WDR43: variants seen among roughly 807,000 people sequenced by gnomAD.
The protein encoded by WDR43 is WD repeat domain 43.
WDR43 carries 13 observed loss-of-function variants against 91.4 expected under a neutral mutation model. The observed-to-expected ratio is 0.14, with a 90% CI of 0.09 to 0.23. The LOEUF is 0.23. WDR43 is among the 10% of genes least tolerant of loss of function. The pLI, the probability that WDR43 is intolerant of heterozygous loss-of-function variation, is 1.00. For synonymous variants in WDR43, 331 were observed against 287.9 expected (o/e 1.15, Z -1.51); for missense variants, 780 against 809.4 (o/e 0.96, Z 0.44).
At chr2:28,937,789 A>G in intron 13 of WDR43, 142 bp from the exon 14 acceptor site, 1 of 763,810 alleles carries the variant, frequency 1.3e-6, no homozygotes, top group Non-Finnish European at 2.2e-6. Flanking sequence ...AAAGTGATAT[A>G]TACACAGTGA....
At chr2:28,933,475 A>G (rs1024406045) in intron 11 of WDR43, among the ~76,000 whole-genome samples, 2 of 152,222 alleles carry the variant, frequency 1.3e-5, no homozygotes, top group South Asian at 2.1e-4. Context: ...GAGTGGGGAA[A>G]GATTTCTTAG....
At chr2:28,922,855 T>C in intron 6 of WDR43, 64 bp from the exon 7 acceptor site, 2 of 1,271,804 alleles carry the variant, frequency 1.6e-6, no homozygotes, top group Non-Finnish European at 1.1e-6. Context: ...TGAGTTTTCA[T>C]AAGGTAGATT....
rs756128959 is a variant in WDR43, at chr2:28,929,650, G to A, written c.1377G>A (p.Thr459=). 4.3e-6 allele frequency: 7 copies of A among 1,613,792 alleles called. No individual in the cohort carries two copies. In the South Asian group the frequency reaches 7.7e-5, roughly 18 times the overall value. ...THKKGKEDLQ[T]NSFPVLLTQG... Reference sequence around the variant, plus strand: ...AAAAAGGAAAGGAAGACCTCCAGACGAATAGCTTTCCAGTTCTTCTTACCC... The same window carrying A: ...AAAAAGGAAAGGAAGACCTCCAGACAAATAGCTTTCCAGTTCTTCTTACCC... The change falls in exon 11 of 18, where the codon ACG becomes ACA. Residue 459 remains threonine, a synonymous_variant. Transcript: ENST00000407426.
chr2:28,926,490 A>G lies in WDR43; in HGVS notation c.1109A>G (p.His370Arg), dbSNP rs547514427. ...ERVALNSREP[H>R]MCLVRDISNC... ...CAGGCTTTAAACTCCAGAGAACCTCATATGTGTTTAGTAAGAGATATTTCA... is the reference window on the plus strand; with the variant it reads ...CAGGCTTTAAACTCCAGAGAACCTCGTATGTGTTTAGTAAGAGATATTTCA... The change falls in exon 9 of 18, where the codon CAT (histidine) becomes CGT (arginine). Residue 370 changes from histidine (H) to arginine (R), a missense_variant. Around this residue, in one of 4 missense-constraint regions of WDR43, gnomAD observed 426 missense variants for 467.8 expected, o/e 0.91. Transcript: ENST00000407426. 1.9e-6 allele frequency: 3 copies of G among 1,595,370 alleles called. No homozygotes were observed. Among genetic ancestry groups the G allele is most frequent in the South Asian group, 1.1e-5 (1 of 87,616 alleles).
At chr2:28,920,520 A>G (rs1198533364) in intron 6 of WDR43, among the ~76,000 whole-genome samples, 1 of 151,542 alleles carries the variant, frequency 6.6e-6, no homozygotes, top group African/African-American at 2.4e-5. Flanking sequence ...AAGCCACCCC[A>G]CTCAACCAAA....
intron 11 of WDR43, among the ~76,000 whole-genome samples, chr2:28,935,058 G>A (rs190563176): frequency 1.3e-5 from 2 of 152,200 alleles, no homozygotes; most frequent in East Asian, 3.9e-4. Flanking sequence ...TTTGATTCAA[G>A]CTCTCATTAT....
intron 3 of WDR43, among the ~76,000 whole-genome samples, chr2:28,910,460 A>G (rs1297832377): frequency 6.6e-6 from 1 of 152,106 alleles, no homozygotes; most frequent in Non-Finnish European, 1.5e-5. Context: ...ATTATCAGTG[A>G]GGTTGAATTT....
At chr2:28,920,529 A>G (rs967567480) in intron 6 of WDR43, among the ~76,000 whole-genome samples, 1 of 151,908 alleles carries the variant, frequency 6.6e-6, no homozygotes, top group Non-Finnish European at 1.5e-5. Flanking sequence ...CACTCAACCA[A>G]AAGTTTTAAA....
chr2:28,894,779 C>G lies in WDR43; in HGVS notation c.81C>G (p.Ala27=). The G allele has an allele frequency of 1.2e-6, 2 of 1,607,974 alleles. No individual in the cohort carries two copies. The highest frequency in any genetic ancestry group is 1.7e-4 in the Middle Eastern group (1 of 6,058). The change falls in exon 1 of 18, where the codon GCC becomes GCG. Residue 27 remains alanine (A), a synonymous_variant. Coordinates refer to ENST00000407426, the MANE Select transcript of WDR43 (RefSeq NM_015131.3). ...GCGCCTTCTCCCCGCACAGCCAGGC[C>G]TACTTCGCTTTGGCCTCTACCGACG... ...VPCAFSPHSQ[A]YFALASTDGH...
In WDR43 at chr2:28,947,333, GTGATAATC is replaced by G. The variant is rs1399886384; in HGVS notation, c.*558_*565del. 2 of 152,158 alleles carry G rather than the reference GTGATAATC, an allele frequency of 1.3e-5. No homozygotes were observed. The highest frequency in any genetic ancestry group is 2.9e-5 in the Non-Finnish European group (2 of 68,022). 9.4% of individuals were successfully genotyped at this position (152,158 alleles called of 1,614,324 possible). ...AGTATCCCTAGCTTGTCTATTAACT[GTGATAATC>G]TGACTTGAGTCAGATTGAATATTTG... On this transcript the variant is annotated 3_prime_UTR_variant, in exon 18 of 18. Transcript: ENST00000407426.
chr2:28,919,699 T>C (rs1670984776), intron 6 of WDR43, among the ~76,000 whole-genome samples: 1 of 151,982 alleles, frequency 6.6e-6, no homozygotes. Context: ...TTAATTACAA[T>C]AATGATTTAA....
In WDR43 at chr2:28,895,005, C is replaced by T. The variant is rs976025310; in HGVS notation, c.225+82C>T. On this transcript the variant is annotated intron_variant, in intron 1 of 17. Coordinates refer to ENST00000407426, the MANE Select transcript of WDR43 (RefSeq NM_015131.3). ...CCGGGCCGGGTGGCGCGTGGTCCGG[C>T]ATCGCGCGTGGCTCTCAGCGGCCCG... 16 of 1,338,894 alleles carry T rather than the reference C, an allele frequency of 1.2e-5. No individual in the cohort carries two copies. In the Admixed American group the frequency reaches 5.4e-4, roughly 45 times the overall value. 82.9% of individuals were successfully genotyped at this position (1,338,894 alleles called of 1,614,324 possible). A position where few individuals can be genotyped will look rare whatever the true frequency, so the allele number is the denominator to read the frequency against.
intron 10 of WDR43, among the ~76,000 whole-genome samples, chr2:28,928,358 C>T (rs895067275): frequency 6.6e-5 from 10 of 151,448 alleles, no homozygotes; most frequent in Admixed American, 2.6e-4. Context: ...ATTTTAAATG[C>T]GTTTATTGGG....
intron 14 of WDR43, 118 bp downstream of exon 14, chr2:28,938,112 A>C: frequency 9.4e-7 from 1 of 1,058,286 alleles, no homozygotes; most frequent in Non-Finnish European, 1.4e-6. Flanking sequence ...TTCAGCCGTT[A>C]GATGCTTCCT....
chr2:28,923,076 A>T (rs752088261), intron 7 of WDR43, 93 bp downstream of exon 7: 1 of 1,058,178 alleles, frequency 9.5e-7, no homozygotes, highest in African/African-American at 1.6e-5. Flanking sequence ...GCATCATATT[A>T]CTATTCAGCC....
intron 14 of WDR43, among the ~76,000 whole-genome samples, chr2:28,940,850 C>T (rs187838309): frequency 1.4e-4 from 22 of 152,224 alleles, no homozygotes; most frequent in African/African-American, 5.3e-4. Context: ...AATATAACAG[C>T]TATATTCTCA....
chr2:28,902,173 T>C lies in WDR43; in HGVS notation c.363+49T>C, dbSNP rs1003099415. On this transcript the variant is annotated intron_variant, in intron 2 of 17. Transcript: ENST00000407426. The stretch of plus-strand genomic sequence containing the variant: ...AAAAGTGATGTGACAGGGAAGCTGA[T>C]TATTAGAGATTATTAAAAAAAAAAC... The C allele has an allele frequency of 2.7e-6, 4 of 1,499,670 alleles. No homozygotes were observed. The African/African-American group carries it at 5.6e-5, about 21-fold the overall frequency. The allele number at this position is 1,499,670 out of a possible 1,614,324, so 92.9% of individuals were successfully genotyped here.
At chr2:28,920,968 T>C (rs6547895) in intron 6 of WDR43, among the ~76,000 whole-genome samples, 102,494 of 151,826 alleles carry the variant, frequency 0.68, 35,179 homozygotes, top group East Asian at 0.85. Flanking sequence ...TGAGCCATTG[T>C]GCCTGGGCAA....
chr2:28,929,763 A>T, intron 11 of WDR43, 53 bp downstream of exon 11: 2 of 1,552,148 alleles, frequency 1.3e-6, no homozygotes, highest in Non-Finnish European at 1.8e-6. Flanking sequence ...TTTCTTAGAA[A>T]ATGATTGACA....
Sources: allele counts gnomAD v4.1 joint callset (sites outside exome capture counted in the v4.1 genomes callset), GRCh38; gene constraint gnomAD v4.1.1; regional missense constraint gnomAD v4.1.1; transcripts MANE v1.5; gene names NCBI Gene and HGNC (gene_info 2026-07-23, HGNC 2026-07-21).